The following RUBCN variants were observed in gnomAD, a reference collection of about 807,000 sequenced individuals.
The protein encoded by RUBCN is run domain Beclin-1-interacting and cysteine-rich domain-containing protein.
In RUBCN, 74 loss-of-function variants were observed where a neutral mutation model predicts 113.2. The observed-to-expected ratio is 0.65, with a 90% CI of 0.54 to 0.79. The LOEUF (loss-of-function observed/expected upper bound fraction) is 0.79, where lower values mean the gene tolerates loss of function less well. Among genes scored for constraint, RUBCN ranks in the 30% least tolerant of loss-of-function variants. The pLI, the probability that RUBCN is intolerant of heterozygous loss-of-function variation, is 0.00. For missense variants in RUBCN, 1,109 were observed against 1,251.7 expected (o/e 0.89, Z 1.72); for synonymous variants, 480 against 490.0 (o/e 0.98, Z 0.27).
At chr3:197,720,456 G>A (rs1210273282) in intron 1 of RUBCN, among the ~76,000 whole-genome samples, 2 of 152,072 alleles carry the variant, frequency 1.3e-5, no homozygotes, top group East Asian at 1.9e-4. Flanking sequence ...CGCCCAGGCT[G>A]GAGTGCAGTG....
At chr3:197,678,422 C>T (rs1244566886) in intron 16 of RUBCN, among the ~76,000 whole-genome samples, 3 of 144,882 alleles carry the variant, frequency 2.1e-5, no homozygotes, top group African/African-American at 7.8e-5. Flanking sequence ...CGCTCTAACT[C>T]GTCAACTGGC....
chr3:197,729,821 A>G (rs1727214492), intron 1 of RUBCN, among the ~76,000 whole-genome samples: 1 of 152,212 alleles, frequency 6.6e-6, no homozygotes, highest in South Asian at 2.1e-4. Flanking sequence ...AGCCTCCCAA[A>G]GTGCTGGGAT....
chr3:197,728,399 T>C (rs965276690), intron 1 of RUBCN, among the ~76,000 whole-genome samples: 2 of 152,332 alleles, frequency 1.3e-5, no homozygotes, highest in East Asian at 1.9e-4. Flanking sequence ...TTTAAAATCA[T>C]GTGATCATCC....
intron 1 of RUBCN, among the ~76,000 whole-genome samples, chr3:197,718,665 C>T (rs1316857958): frequency 1.3e-5 from 2 of 152,034 alleles, no homozygotes; most frequent in African/African-American, 2.4e-5. Context: ...TGCCCAACTC[C>T]TGGCCTCAAG....
chr3:197,690,890 G>A (rs1387452268), intron 11 of RUBCN, among the ~76,000 whole-genome samples: 3 of 152,248 alleles, frequency 2.0e-5, no homozygotes, highest in Non-Finnish European at 4.4e-5. Flanking sequence ...GGAAGAATCA[G>A]TGAGTATCTG....
chr3:197,749,782 G>C (rs1728930625), upstream of RUBCN: 7 of 541,054 alleles, frequency 1.3e-5, no homozygotes, highest in South Asian at 8.2e-5. Context: ...AGCGAGTCAC[G>C]GCGCGGGGCC....
chr3:197,679,871 TCCAGAC>T (rs1720994616), intron 16 of RUBCN, among the ~76,000 whole-genome samples: 1 of 147,086 alleles, frequency 6.8e-6, no homozygotes, highest in Admixed American at 6.8e-5. Flanking sequence ...GACAACTGGC[TCCAGAC>T]TGTCCTGTGC....
At chr3:197,717,831 C>T (rs772879281) in intron 2 of RUBCN, 146 bp downstream of exon 2, 21 of 811,686 alleles carry the variant, frequency 2.6e-5, no homozygotes, top group South Asian at 1.0e-4. Context: ...CGATGTGAAA[C>T]GTTCTGTATA....
At chr3:197,680,941 C>G (rs1273396203) in intron 16 of RUBCN, among the ~76,000 whole-genome samples, 188 bp downstream of exon 16, 1 of 147,530 alleles carries the variant, frequency 6.8e-6, no homozygotes, top group Non-Finnish European at 1.5e-5. Context: ...ACTGCGATAA[C>G]AAGAAGTGTG....
intron 1 of RUBCN, among the ~76,000 whole-genome samples, chr3:197,725,274 T>G (rs1726603603): frequency 6.6e-6 from 1 of 152,024 alleles, no homozygotes; most frequent in Non-Finnish European, 1.5e-5. Context: ...AGCGAGAGAC[T>G]ATCACATGTG....
In RUBCN at chr3:197,675,216, G is replaced by C. The variant is rs761100969; in HGVS notation, c.2741-20C>G. The C allele has an allele frequency of 1.2e-6, 2 of 1,613,708 alleles. No individual in the cohort carries two copies. Among genetic ancestry groups the C allele is most frequent in the South Asian group, 1.1e-5 (1 of 91,082 alleles). On this transcript the variant is annotated intron_variant, in intron 19 of 19. Coordinates refer to ENST00000296343, the MANE Select transcript of RUBCN (RefSeq NM_014687.4). This position sits in a 1 kb window ranked among gnomAD's most constrained non-coding sequence, Gnocchi z 4.4. ...TACACTCTACTCAGGTTGGGAAGGT[G>C]GGGGAGAGAAGAAAACAATTTGTAT...
At chr3:197,693,474 G>A (rs1722658394) in intron 11 of RUBCN, among the ~76,000 whole-genome samples, 1 of 152,192 alleles carries the variant, frequency 6.6e-6, no homozygotes, top group South Asian at 2.1e-4. Flanking sequence ...ACACCACTGA[G>A]GAGGACGCGT....
At chr3:197,677,613 G>A in intron 16 of RUBCN, 72 bp from the exon 17 acceptor site, 1 of 1,426,672 alleles carries the variant, frequency 7.0e-7, no homozygotes, top group Non-Finnish European at 9.9e-7. Flanking sequence ...GGAAGCCCAG[G>A]GCCTTTAAAC....
intron 1 of RUBCN, among the ~76,000 whole-genome samples, chr3:197,731,164 T>TG (rs1727415714): frequency 6.6e-6 from 1 of 151,964 alleles, no homozygotes; most frequent in African/African-American, 2.4e-5. Context: ...TTTGTGTCCC[T>TG]GGGTACTTGA....
At chr3:197,685,076 C>T (rs546171101) in intron 11 of RUBCN, among the ~76,000 whole-genome samples, 2 of 152,320 alleles carry the variant, frequency 1.3e-5, no homozygotes, top group East Asian at 3.9e-4. Context: ...GCTAGCTATA[C>T]AGGAAACTGT....
At position 197,674,907 on chromosome 3, in the gene RUBCN, T is replaced by C; in HGVS notation, c.*111A>G. Reference sequence around the variant, plus strand: ...AAAAAAAAAAAAAAGATGATGATAATTAAAAAAAAAAAAAAAAAAAGAAGC... The same window carrying C: ...AAAAAAAAAAAAAAGATGATGATAACTAAAAAAAAAAAAAAAAAAAGAAGC... On this transcript the variant is annotated 3_prime_UTR_variant, in exon 20 of 20. Coordinates refer to ENST00000296343, the MANE Select transcript of RUBCN (RefSeq NM_014687.4). The C allele has an allele frequency of 1.2e-6, 1 of 814,622 alleles. No homozygotes were observed. Among genetic ancestry groups the C allele is most frequent in the South Asian group, 2.1e-5 (1 of 48,628 alleles). The allele number at this position is 814,622 out of a possible 1,614,324, so 50.5% of individuals were successfully genotyped here.
rs191680718 is a variant in RUBCN, at chr3:197,709,432, G to C, written c.220-4257C>G. Among the ~76,000 whole-genome samples, 151 of 152,202 alleles carry C rather than the reference G, an allele frequency of 9.9e-4. 1 individual carries two copies. Among genetic ancestry groups the C allele is most frequent in the African/African-American group, 3.4e-3 (142 of 41,522 alleles). The stretch of plus-strand genomic sequence containing the variant: ...GTTTCTCTCTGTTGCCCAAGCTGGA[G>C]TGCAATGGCGCGATCTCGGCTCACC... On this transcript the variant is annotated intron_variant, in intron 2 of 19. Transcript: ENST00000296343.
intron 1 of RUBCN, among the ~76,000 whole-genome samples, chr3:197,728,499 GAA>G (rs1366939321): frequency 1.3e-5 from 2 of 152,168 alleles, no homozygotes; most frequent in African/African-American, 2.4e-5. Context: ...ATAAAAACGT[GAA>G]AAAGTGAAAA....
intron 6 of RUBCN, 150 bp from the exon 7 acceptor site, chr3:197,701,296 G>C (rs1431424597): frequency 5.8e-6 from 4 of 686,786 alleles, no homozygotes; most frequent in African/African-American, 5.4e-5. Flanking sequence ...GCTAAGTCAA[G>C]AGTATGGGCT....
Sources: gnomAD v4.1 joint callset for allele counts (sites outside exome capture counted in the v4.1 genomes callset) on GRCh38, gnomAD v4.1.1 for gene constraint, Gnocchi (gnomAD v3.1) non-coding constraint, MANE v1.5 for transcripts, NCBI Gene and HGNC (gene_info 2026-07-23, HGNC 2026-07-21) for gene names.